TET2: variants seen among roughly 807,000 people sequenced by gnomAD.
The protein encoded by TET2 is methylcytosine dioxygenase TET2.
A neutral mutation model predicts 142.9 loss-of-function variants in TET2; 299 were observed. That is an observed-to-expected ratio of 2.09 (90% confidence interval 1.90 to 2.30). The LOEUF (loss-of-function observed/expected upper bound fraction) is 2.30, where lower values mean the gene tolerates loss of function less well. TET2 is among the 30% of genes most tolerant of loss of function. The probability of loss-of-function intolerance (pLI) is 0.00; values close to 1 mark genes in which losing one functional copy is unlikely to be tolerated. For synonymous variants in TET2, 819 were observed against 849.0 expected (o/e 0.96, Z 0.61); for missense variants, 2,418 against 2,378.0 (o/e 1.02, Z -0.35).
chr4:105,156,172 A>T (rs964749355), intron 1 of TET2, among the ~76,000 whole-genome samples: 3 of 152,198 alleles, frequency 2.0e-5, no homozygotes, highest in Non-Finnish European at 4.4e-5. Context: ...ACTTCCAAAA[A>T]ATGTAAATCT....
intron 6 of TET2, among the ~76,000 whole-genome samples, chr4:105,248,633 C>T (rs1729702829): frequency 6.6e-6 from 1 of 152,146 alleles, no homozygotes; most frequent in Non-Finnish European, 1.5e-5. Flanking sequence ...GTTATTCCCC[C>T]ATGTTTTTTT....
At chr4:105,229,212 A>G (rs1265492721) in intron 2 of TET2, among the ~76,000 whole-genome samples, 1 of 152,230 alleles carries the variant, frequency 6.6e-6, no homozygotes, top group African/African-American at 2.4e-5. Flanking sequence ...GTGACTAGTC[A>G]CTGTTGGATG....
intron 10 of TET2, 47 bp from the exon 11 acceptor site, chr4:105,275,001 T>G: frequency 1.4e-6 from 2 of 1,460,930 alleles, no homozygotes; most frequent in Non-Finnish European, 1.8e-6. Flanking sequence ...AAAATAATCA[T>G]CAACATCAAA....
At chr4:105,187,927 A>T (rs1725552473) in intron 1 of TET2, among the ~76,000 whole-genome samples, 1 of 152,208 alleles carries the variant, frequency 6.6e-6, no homozygotes, top group South Asian at 2.1e-4. Context: ...AGGTGCAGCC[A>T]CTTTGCAAAA....
At chr4:105,211,762 G>T (rs956721649) in intron 2 of TET2, among the ~76,000 whole-genome samples, 1 of 152,152 alleles carries the variant, frequency 6.6e-6, no homozygotes, top group African/African-American at 2.4e-5. Flanking sequence ...GGCAGAAGAT[G>T]CATGCCTGTT....
chr4:105,150,485 T>C (rs1723243186), intron 1 of TET2, among the ~76,000 whole-genome samples: 1 of 152,200 alleles, frequency 6.6e-6, no homozygotes, highest in South Asian at 2.1e-4. Flanking sequence ...GGACCAGCTG[T>C]CAGTATTTGT....
intron 6 of TET2, 96 bp downstream of exon 6, chr4:105,243,874 AT>A: frequency 2.7e-6 from 3 of 1,117,118 alleles, no homozygotes; most frequent in Non-Finnish European, 3.9e-6. Flanking sequence ...GCACTTTTAC[AT>A]TTATAAAATG....
chr4:105,227,457 C>CA (rs1192892828), intron 2 of TET2, among the ~76,000 whole-genome samples: 1 of 152,160 alleles, frequency 6.6e-6, no homozygotes, highest in African/African-American at 2.4e-5. Flanking sequence ...TCTTATTTGG[C>CA]ATGGACTCTT....
At chr4:105,171,434 AAT>A (rs1393496438) in intron 1 of TET2, 1 of 152,260 alleles carries the variant, frequency 6.6e-6, no homozygotes, top group Non-Finnish European at 1.5e-5. Flanking sequence ...AATAAGTTTT[AAT>A]ATATGTTATT....
chr4:105,219,351 G>A (rs1220562758), intron 2 of TET2, among the ~76,000 whole-genome samples: 1 of 152,062 alleles, frequency 6.6e-6, no homozygotes, highest in Non-Finnish European at 1.5e-5. Flanking sequence ...ATAGGAAAAC[G>A]AATTTATTCA....
intron 7 of TET2, among the ~76,000 whole-genome samples, chr4:105,260,004 T>G (rs1046178101): frequency 2.6e-5 from 4 of 152,176 alleles, no homozygotes; most frequent in African/African-American, 9.6e-5. Context: ...TCCAAAGTTT[T>G]AAAGGGGTGT....
At chr4:105,209,049 GTATATA>G (rs36045001) in intron 2 of TET2, among the ~76,000 whole-genome samples, 599 of 44,140 alleles carry the variant, frequency 0.014, 9 homozygotes, top group Admixed American at 0.032. Context: ...TCAAGGCATG[GTATATA>G]TATATATATA....
rs773203687 is a variant in TET2, at chr4:105,156,030, ACT to A, written c.-193+9058_-193+9059del. Among the ~76,000 whole-genome samples the A allele has an allele frequency of 9.2e-5, 14 of 152,078 alleles. No individual in the cohort carries two copies. In the East Asian group the frequency reaches 2.3e-3, roughly 25 times the overall value. On this transcript the variant is annotated intron_variant, in intron 1 of 10. Coordinates refer to ENST00000380013, the MANE Select transcript of TET2 (RefSeq NM_001127208.3). The stretch of plus-strand genomic sequence containing the variant: ...AGAAATGACTAGCTTACTTGTCTTC[ACT>A]CTCTCTTGTTTCTCTCAAAACTTTG...
chr4:105,224,579 A>T (rs756431442), intron 2 of TET2, among the ~76,000 whole-genome samples: 24 of 152,252 alleles, frequency 1.6e-4, no homozygotes, highest in Non-Finnish European at 3.4e-4. Context: ...CCAAAATGTT[A>T]GCTAGTAGTC....
intron 2 of TET2, among the ~76,000 whole-genome samples, chr4:105,209,054 T>TATATAC (rs1726997426): frequency 2.0e-5 from 1 of 49,886 alleles, no homozygotes; most frequent in Non-Finnish European, 3.2e-5. Flanking sequence ...GCATGGTATA[T>TATATAC]ATATATATAT....
intron 2 of TET2, among the ~76,000 whole-genome samples, chr4:105,208,607 T>C (rs567728336): frequency 6.6e-6 from 1 of 152,268 alleles, no homozygotes; most frequent in South Asian, 2.1e-4. Context: ...CTTGAATCTT[T>C]TCCAGTCATC....
intron 1 of TET2, among the ~76,000 whole-genome samples, chr4:105,183,118 G>A (rs2110457354): frequency 6.6e-6 from 1 of 152,246 alleles, no homozygotes; most frequent in Non-Finnish European, 1.5e-5. Context: ...AAGTCTACCA[G>A]TTTATTGATC....
chr4:105,260,588 T>C (rs922553413), intron 7 of TET2, among the ~76,000 whole-genome samples: 1 of 152,128 alleles, frequency 6.6e-6, no homozygotes, highest in African/African-American at 2.4e-5. Flanking sequence ...CTTACAATTA[T>C]CTTTTGAATT....
chr4:105,274,546 A>C (rs1731107365), intron 10 of TET2, among the ~76,000 whole-genome samples: 1 of 152,176 alleles, frequency 6.6e-6, no homozygotes, highest in African/African-American at 2.4e-5. Context: ...AAAATAAAAC[A>C]TTTTCCTTCC....
Sources: allele counts gnomAD v4.1 joint callset (sites outside exome capture counted in the v4.1 genomes callset), GRCh38; gene constraint gnomAD v4.1.1; transcripts MANE v1.5; gene names NCBI Gene and HGNC (gene_info 2026-07-23, HGNC 2026-07-21).